NEDD4L: variants seen among roughly 807,000 people sequenced by gnomAD.
NEDD4L encodes NEDD4 like E3 ubiquitin protein ligase.
A neutral mutation model predicts 148.9 loss-of-function variants in NEDD4L; 54 were observed. That is an observed-to-expected ratio of 0.36 (90% CI 0.29 to 0.45). The LOEUF (loss-of-function observed/expected upper bound fraction) is 0.45, where lower values mean the gene tolerates loss of function less well. NEDD4L is among the 20% of genes least tolerant of loss of function. NEDD4L has a pLI of 1.00. For missense variants in NEDD4L, 856 were observed against 1,233.8 expected, an observed-to-expected ratio of 0.69 and a Z score of 4.59; for synonymous variants, 433 against 440.7, an observed-to-expected ratio of 0.98 and a Z score of 0.22.
intron 1 of NEDD4L, among the ~76,000 whole-genome samples, chr18:58,044,916 A>G (rs2081505392): frequency 6.6e-6 from 1 of 152,204 alleles, no homozygotes; most frequent in Admixed American, 6.5e-5. Context: ...TTGTTTGTAA[A>G]TAAAGCGGCG....
intron 1 of NEDD4L, among the ~76,000 whole-genome samples, chr18:58,122,084 C>T (rs1318052318): frequency 6.6e-6 from 1 of 152,226 alleles, no homozygotes; most frequent in Non-Finnish European, 1.5e-5. Context: ...CTGTGTCGCC[C>T]TCTAGTGGTA....
At chr18:58,161,435 CTT>C (rs55873387) in intron 1 of NEDD4L, among the ~76,000 whole-genome samples, 9,470 of 140,254 alleles carry the variant, frequency 0.068, 927 homozygotes, top group African/African-American at 0.22. Context: ...TTTTCTTTTT[CTT>C]TTTTTTTTTT....
chr18:58,095,885 C>T (rs11665115), intron 1 of NEDD4L, among the ~76,000 whole-genome samples: 5 of 152,010 alleles, frequency 3.3e-5, no homozygotes, highest in Admixed American at 6.6e-5. Flanking sequence ...AACACAAATT[C>T]GTAAGCATTC....
intron 1 of NEDD4L, among the ~76,000 whole-genome samples, chr18:58,103,034 A>G (rs1394882400): frequency 1.3e-5 from 2 of 151,934 alleles, no homozygotes; most frequent in East Asian, 3.8e-4. Flanking sequence ...CTGGCTTATC[A>G]TGACAGTGGC....
rs112778814 is a variant in NEDD4L at position 58,154,087 on chromosome 18, A to G, written c.49-11701A>G. ...GTAGAGGTTGATCGATAAAAAATGA[A>G]TAAAATATTCAACAGAAACTCCTTA... is the stretch of plus-strand genomic sequence containing the variant. On this transcript the variant is annotated intron_variant, in intron 1 of 30. Coordinates refer to ENST00000400345, the MANE Select transcript of NEDD4L (RefSeq NM_001144967.3). Among the ~76,000 whole-genome samples the G allele has an allele frequency of 3.3e-5, 5 of 152,398 alleles. No homozygotes were observed. In the South Asian group the frequency reaches 8.3e-4, roughly 25 times the overall value.
chr18:58,359,092 A>G (rs565799482), intron 19 of NEDD4L, among the ~76,000 whole-genome samples: 4 of 152,072 alleles, frequency 2.6e-5, no homozygotes, highest in African/African-American at 9.6e-5. Context: ...CAAATTATCT[A>G]CATTCTCATT....
At chr18:58,317,104 G>A (rs2058357160) in intron 6 of NEDD4L, among the ~76,000 whole-genome samples, 1 of 152,248 alleles carries the variant, frequency 6.6e-6, no homozygotes, top group Non-Finnish European at 1.5e-5. Context: ...ACTCACTCAG[G>A]GGAGCTGTTA....
chr18:58,195,870 T>C, intron 2 of NEDD4L: 1 of 453,012 alleles, frequency 2.2e-6, no homozygotes, highest in Non-Finnish European at 3.9e-6. Context: ...ACTTGCTTGC[T>C]TTCTTTTTAA....
chr18:58,056,493 GTT>G (rs758420636), intron 1 of NEDD4L, among the ~76,000 whole-genome samples: 51 of 152,196 alleles, frequency 3.4e-4, no homozygotes, highest in Non-Finnish European at 5.3e-4. Flanking sequence ...CAGGTTCATT[GTT>G]TTTTCTGCTT....
intron 1 of NEDD4L, among the ~76,000 whole-genome samples, chr18:58,161,429 CTTTT>C (rs2036196956): frequency 1.8e-5 from 2 of 111,140 alleles, no homozygotes; most frequent in Non-Finnish European, 3.6e-5. Context: ...GTGTTTTTTT[CTTTT>C]TCTTTTTTTT....
intron 1 of NEDD4L, among the ~76,000 whole-genome samples, chr18:58,132,454 A>C (rs1317816285): frequency 6.6e-6 from 1 of 152,230 alleles, no homozygotes; most frequent in East Asian, 1.9e-4. Context: ...TTGGAATATC[A>C]CAAAAGGTAC....
chr18:58,261,311 C>T (rs902044861), intron 5 of NEDD4L, among the ~76,000 whole-genome samples: 12 of 152,150 alleles, frequency 7.9e-5, no homozygotes, highest in Non-Finnish European at 2.9e-5. Context: ...GCATTTCTAG[C>T]ATATTTTTTA....
At chr18:58,142,224 A>T (rs202127088) in intron 1 of NEDD4L, among the ~76,000 whole-genome samples, 14 of 144,748 alleles carry the variant, frequency 9.7e-5, no homozygotes, top group East Asian at 2.1e-4. Flanking sequence ...TTTTTTTTTT[A>T]TTTTTTGTAG....
intron 23 of NEDD4L, 166 bp from the exon 24 acceptor site, chr18:58,373,008 A>G (rs1055143990): frequency 6.4e-5 from 34 of 527,694 alleles, no homozygotes; most frequent in Non-Finnish European, 1.0e-4. Context: ...GTTTGTTTAT[A>G]GTTTAAAGAG....
chr18:58,137,479 G>A (rs1474881462), intron 1 of NEDD4L, among the ~76,000 whole-genome samples: 1 of 152,134 alleles, frequency 6.6e-6, no homozygotes, highest in African/African-American at 2.4e-5. Flanking sequence ...TTTATTAGCT[G>A]GGAAAGGCCA....
chr18:58,208,581 TAGC>T (rs2147623279), intron 2 of NEDD4L, among the ~76,000 whole-genome samples: 1 of 152,348 alleles, frequency 6.6e-6, no homozygotes, highest in Non-Finnish European at 1.5e-5. Flanking sequence ...AAGAAAATAG[TAGC>T]AGCTTTGCTT....
In NEDD4L at chr18:58,130,418, G is replaced by T. The variant is rs994344711; in HGVS notation, c.49-35370G>T. 2.7e-5 allele frequency among the ~76,000 whole-genome samples: 4 copies of T among 147,510 alleles called. No individual in the cohort carries two copies. The Admixed American group carries it at 2.7e-4, about 10-fold the overall frequency. On this transcript the variant is annotated intron_variant, in intron 1 of 30. Transcript: ENST00000400345. ...TTGGGGTTTGGTTGACTGTGATCTA[G>T]CGGAACTGTGGCTGTGTTGGGCTCT...
At chr18:58,087,974 G>C (rs1348880416) in intron 1 of NEDD4L, among the ~76,000 whole-genome samples, 1 of 152,234 alleles carries the variant, frequency 6.6e-6, no homozygotes, top group Non-Finnish European at 1.5e-5. Context: ...ATGTCTCAGG[G>C]TTTCCTGAGG....
At chr18:58,381,646 G>T (rs1223865268) in intron 24 of NEDD4L, among the ~76,000 whole-genome samples, 3 of 152,170 alleles carry the variant, frequency 2.0e-5, no homozygotes, top group Non-Finnish European at 2.9e-5. Flanking sequence ...TCATTGACGT[G>T]GATCTGATAA....
Sources: gnomAD v4.1 joint callset for allele counts (sites outside exome capture counted in the v4.1 genomes callset) on GRCh38, gnomAD v4.1.1 for gene constraint, MANE v1.5 for transcripts, NCBI Gene and HGNC (gene_info 2026-07-23, HGNC 2026-07-21) for gene names.